The following BAALC variants were observed in gnomAD, a reference collection of about 807,000 sequenced individuals.
BAALC encodes BAALC binder of MAP3K1 and KLF4.
BAALC carries 9 observed loss-of-function variants against 15.5 expected under a neutral mutation model. The observed-to-expected ratio is 0.58, with a 90% CI of 0.35 to 1.02. The LOEUF is 1.02. BAALC is among the 50% of genes least tolerant of loss of function. The pLI is 0.02. For synonymous variants in BAALC, 80 were observed against 74.6 expected (o/e 1.07, Z -0.37); for missense variants, 201 against 192.4 (o/e 1.04, Z -0.27).
At chr8:103,217,104 G>A (rs1812574541) in intron 2 of BAALC, among the ~76,000 whole-genome samples, 1 of 152,232 alleles carries the variant, frequency 6.6e-6, no homozygotes, top group African/African-American at 2.4e-5. Flanking sequence ...GGCAGATGAT[G>A]CATATCAATG....
intron 1 of BAALC, among the ~76,000 whole-genome samples, chr8:103,203,987 CT>C: frequency 6.6e-6 from 1 of 152,270 alleles, no homozygotes; most frequent in South Asian, 2.1e-4. Flanking sequence ...TATGTTCAAC[CT>C]TTTACAGAAT....
At chr8:103,217,478 G>A (rs1369157759) in intron 2 of BAALC, among the ~76,000 whole-genome samples, 2 of 151,576 alleles carry the variant, frequency 1.3e-5, no homozygotes, top group African/African-American at 4.9e-5. Flanking sequence ...TTTTCCTAGT[G>A]TGTCTCTTAG....
intron 2 of BAALC, among the ~76,000 whole-genome samples, chr8:103,217,676 C>T (rs534840814): frequency 6.6e-6 from 1 of 152,256 alleles, no homozygotes; most frequent in South Asian, 2.1e-4. Flanking sequence ...TCTAGAAGAT[C>T]CCTTTCATGA....
At chr8:103,191,802 G>C (rs191961983) in intron 1 of BAALC, among the ~76,000 whole-genome samples, 5 of 152,204 alleles carry the variant, frequency 3.3e-5, no homozygotes, top group Admixed American at 3.3e-4. Context: ...TTGTCAAAAG[G>C]GGGAGCTCAA....
intron 1 of BAALC, among the ~76,000 whole-genome samples, chr8:103,193,118 A>G (rs1452073835): frequency 6.6e-6 from 1 of 152,152 alleles, no homozygotes; most frequent in African/African-American, 2.4e-5. Flanking sequence ...CAAGCCCCCA[A>G]TTATCTGTCC....
chr8:103,212,983 C>A lies in BAALC; in HGVS notation c.225C>A (p.Pro75=). ...VPRSTAPGGI[P]NPEKKTNCET... ...GATCTACAGCCCCAGGTGGAATACC[C>A]AACCCAGAGAAGAAGACGAACTGTG... The change falls in exon 2 of 3, where the codon CCC becomes CCA. Residue 75 remains proline (P), a synonymous_variant. Coordinates refer to ENST00000309982, the MANE Select transcript of BAALC (RefSeq NM_024812.3). 1 of 1,614,106 alleles carries A rather than the reference C, an allele frequency of 6.2e-7. No individual in the cohort carries two copies. Among genetic ancestry groups the A allele is most frequent in the East Asian group, 2.2e-5 (1 of 44,874 alleles).
At chr8:103,173,626 G>A (rs1051583678) in intron 1 of BAALC, among the ~76,000 whole-genome samples, 4 of 152,216 alleles carry the variant, frequency 2.6e-5, no homozygotes, top group Admixed American at 2.6e-4. Context: ...ATGTAGGAAA[G>A]TGTCTGGCAT....
In BAALC at chr8:103,228,823, C is replaced by T. The variant is rs890000102; in HGVS notation, c.*724C>T. On this transcript the variant is annotated 3_prime_UTR_variant, in exon 3 of 3. Transcript: ENST00000309982. The stretch of plus-strand genomic sequence containing the variant: ...GCCTCCAGTCCTTAATGTCACCATG[C>T]TTGTGGCCAATGCATCCAAATAAGG... 3.3e-5 allele frequency: 5 copies of T among 152,260 alleles called. No individual in the cohort carries two copies. The highest frequency in any genetic ancestry group is 4.8e-5 in the African/African-American group (2 of 41,450). The allele number at this position is 152,260 out of a possible 1,614,324, so 9.4% of individuals were successfully genotyped here.
At chr8:103,205,609 C>T (rs148758184) in intron 1 of BAALC, among the ~76,000 whole-genome samples, 1 of 152,102 alleles carries the variant, frequency 6.6e-6, no homozygotes, top group Non-Finnish European at 1.5e-5. Context: ...GAATCCCCTG[C>T]CTTAGAATCC....
chr8:103,151,565 T>C (rs1033437606), intron 1 of BAALC, among the ~76,000 whole-genome samples: 20 of 152,172 alleles, frequency 1.3e-4, no homozygotes, highest in African/African-American at 4.6e-4. Flanking sequence ...CCTCTGTTCC[T>C]TACACTCTTG....
chr8:103,227,880 C>T (rs1481290691), intron 2 of BAALC, 109 bp from the exon 3 acceptor site: 8 of 714,486 alleles, frequency 1.1e-5, no homozygotes, highest in African/African-American at 1.8e-5. Flanking sequence ...TTCCCAGGCA[C>T]ATTCTCAACT....
intron 1 of BAALC, among the ~76,000 whole-genome samples, chr8:103,161,307 T>G (rs1156729431): frequency 1.3e-5 from 2 of 151,958 alleles, no homozygotes; most frequent in Non-Finnish European, 2.9e-5. Flanking sequence ...AGCAAACATA[T>G]GCACACATAC....
intron 1 of BAALC, chr8:103,166,387 C>T (rs1811347356): frequency 6.6e-6 from 1 of 152,528 alleles, no homozygotes; most frequent in Non-Finnish European, 1.5e-5. Context: ...AGCCCTGTTT[C>T]CTCACACTTT....
At chr8:103,163,275 G>A (rs1811269945) in intron 1 of BAALC, among the ~76,000 whole-genome samples, 1 of 151,998 alleles carries the variant, frequency 6.6e-6, no homozygotes, top group East Asian at 1.9e-4. Context: ...CCCTTGCCCA[G>A]TTCTCTTCTC....
At chr8:103,204,663 T>C (rs978496262) in intron 1 of BAALC, among the ~76,000 whole-genome samples, 1 of 152,244 alleles carries the variant, frequency 6.6e-6, no homozygotes, top group Non-Finnish European at 1.5e-5. Context: ...GCACATGTGT[T>C]GAAAAACTAT....
intron 1 of BAALC, chr8:103,141,518 C>T (rs1277524956): frequency 6.3e-6 from 1 of 158,592 alleles, no homozygotes; most frequent in East Asian, 1.8e-4. Flanking sequence ...TGGATTTATA[C>T]ACAAGGCGCC....
rs1812141281 is a variant in BAALC at position 103,198,359 on chromosome 8, C to A, written c.161-14560C>A. Among the ~76,000 whole-genome samples the A allele has an allele frequency of 2.0e-5, 3 of 152,148 alleles. No individual in the cohort carries two copies. In the South Asian group the frequency reaches 6.2e-4, roughly 32 times the overall value. On this transcript the variant is annotated intron_variant, in intron 1 of 2. Coordinates refer to ENST00000309982, the MANE Select transcript of BAALC (RefSeq NM_024812.3). ...TAAAGCTATTACTAATTAGAAAAGA[C>A]AAAATGTGACATGGCTCTATTTCTT...
chr8:103,210,526 C>T (rs570892742), intron 1 of BAALC, among the ~76,000 whole-genome samples: 46 of 152,366 alleles, frequency 3.0e-4, no homozygotes, highest in South Asian at 2.5e-3. Flanking sequence ...AAATACACTG[C>T]GCTTCTGATG....
intron 1 of BAALC, chr8:103,156,923 T>G (rs1811105053): frequency 6.6e-6 from 1 of 152,258 alleles, no homozygotes; most frequent in Non-Finnish European, 1.5e-5. Flanking sequence ...TAGAAGCTAC[T>G]AAAATCGTTA....
Sources: allele counts gnomAD v4.1 joint callset (sites outside exome capture counted in the v4.1 genomes callset), GRCh38; gene constraint gnomAD v4.1.1; transcripts MANE v1.5; gene names NCBI Gene and HGNC (gene_info 2026-07-23, HGNC 2026-07-21).